DRICH1: variants seen among roughly 807,000 people sequenced by gnomAD.
DRICH1 encodes aspartate-rich protein 1.
DRICH1 carries 38 observed loss-of-function variants against 39.5 expected under a neutral mutation model. That is an observed-to-expected ratio of 0.96 (90% CI 0.74 to 1.26). DRICH1 has a LOEUF of 1.26. DRICH1 is among the 50% of genes most tolerant of loss of function. The pLI, the probability that DRICH1 is intolerant of heterozygous loss-of-function variation, is 0.00. For synonymous variants in DRICH1, 84 were observed against 99.5 expected, an observed-to-expected ratio of 0.84 and a Z score of 0.93; for missense variants, 279 against 270.4, an observed-to-expected ratio of 1.03 and a Z score of -0.22.
intron 5 of DRICH1, 94 bp from the exon 6 acceptor site, chr22:23,619,487 G>A (rs575423531): frequency 1.1e-5 from 8 of 746,626 alleles, no homozygotes; most frequent in South Asian, 8.5e-5. Flanking sequence ...AGTGTTGGAG[G>A]ATGCACATTC....
intron 9 of DRICH1, 81 bp from the exon 10 acceptor site, chr22:23,613,741 G>A (rs1927183547): frequency 1.1e-5 from 12 of 1,101,658 alleles, no homozygotes; most frequent in African/African-American, 6.3e-5. Context: ...TCTGGACAAC[G>A]ATAAAAAACC....
intron 4 of DRICH1, among the ~76,000 whole-genome samples, chr22:23,621,171 G>A (rs1427319369): frequency 2.0e-5 from 3 of 152,064 alleles, no homozygotes; most frequent in African/African-American, 7.2e-5. Flanking sequence ...AATAGGATAT[G>A]CTGGGCTCCT....
chr22:23,587,860 C>T, the DRICH1 span, among the ~76,000 whole-genome samples: 2 of 152,188 alleles, frequency 1.3e-5, no homozygotes, highest in East Asian at 1.9e-4. Flanking sequence ...ACCTTAATTG[C>T]GTCTGCACTG....
At chr22:23,590,278 A>ATTTTTT in the DRICH1 span, among the ~76,000 whole-genome samples, 6 of 137,528 alleles carry the variant, frequency 4.4e-5, no homozygotes, top group South Asian at 2.3e-4. Flanking sequence ...CAGCCCTTTG[A>ATTTTTT]TTTTTTTTTT....
chr22:23,596,942 T>C, the DRICH1 span, among the ~76,000 whole-genome samples: 1 of 151,484 alleles, frequency 6.6e-6, no homozygotes, highest in Admixed American at 6.6e-5. Context: ...ATTGACAGTA[T>C]AGTATTGCAA....
At chr22:23,626,933 AG>A (rs1224913816) in intron 1 of DRICH1, among the ~76,000 whole-genome samples, 1 of 152,188 alleles carries the variant, frequency 6.6e-6, no homozygotes, top group Non-Finnish European at 1.5e-5. Context: ...TTTGAGTTAC[AG>A]GAGTTCAACA....
rs745968240 is a variant in DRICH1, at chr22:23,608,756, G to A, written c.*8C>T. ...GGTCAGCACCCTGGTCAGCTCCACA[G>A]AAGGGCTTCACCCTGGATGAAGAGA... On this transcript the variant is annotated 3_prime_UTR_variant, in exon 12 of 12. Coordinates refer to ENST00000317749, the MANE Select transcript of DRICH1 (RefSeq NM_016449.4). The A allele has an allele frequency of 9.0e-5, 141 of 1,559,826 alleles. No individual in the cohort carries two copies. The highest frequency in any genetic ancestry group is 1.2e-4 in the Non-Finnish European group (137 of 1,150,594).
the DRICH1 span, among the ~76,000 whole-genome samples, chr22:23,584,453 C>T: frequency 6.6e-6 from 1 of 152,220 alleles, no homozygotes; most frequent in Non-Finnish European, 1.5e-5. Flanking sequence ...GGATCCCTCT[C>T]TCTCAGGCTG....
chr22:23,630,482 G>A (rs546657064), intron 1 of DRICH1: 153 of 152,212 alleles, frequency 1.0e-3, no homozygotes, highest in African/African-American at 3.5e-3. Flanking sequence ...TGAAAAAGAG[G>A]TCATTTATGT....
At chr22:23,598,820 T>A in the DRICH1 span, among the ~76,000 whole-genome samples, 1 of 152,086 alleles carries the variant, frequency 6.6e-6, no homozygotes, top group Non-Finnish European at 1.5e-5. Context: ...CATACAAGTG[T>A]GTTCCATACA....
the DRICH1 span, among the ~76,000 whole-genome samples, chr22:23,595,704 A>G: frequency 6.6e-6 from 1 of 152,202 alleles, no homozygotes; most frequent in Non-Finnish European, 1.5e-5. Flanking sequence ...CTGAGGAGAT[A>G]GGAAAGGTCC....
chr22:23,595,176 A>G, the DRICH1 span, among the ~76,000 whole-genome samples: 23,134 of 137,994 alleles, frequency 0.17, 1,696 homozygotes, highest in African/African-American at 0.27. Context: ...TCCTATGAGT[A>G]GATGAAATAG....
At chr22:23,602,008 G>A in the DRICH1 span, among the ~76,000 whole-genome samples, 7 of 83,508 alleles carry the variant, frequency 8.4e-5, no homozygotes, top group Non-Finnish European at 1.3e-4. Context: ...CACTGTGGGA[G>A]GCTGAGAGCA....
the DRICH1 span, among the ~76,000 whole-genome samples, chr22:23,591,942 A>AGCGG: frequency 1.3e-5 from 2 of 152,004 alleles, no homozygotes; most frequent in Non-Finnish European, 2.9e-5. Context: ...AGGGGTGTGG[A>AGCGG]GGGGGAGCAG....
At chr22:23,629,669 G>C in intron 1 of DRICH1, among the ~76,000 whole-genome samples, 1 of 151,964 alleles carries the variant, frequency 6.6e-6, no homozygotes, top group East Asian at 1.9e-4. Context: ...AGGCTGGAGG[G>C]GGCAGTGGCT....
At chr22:23,582,267 G>A in the DRICH1 span, among the ~76,000 whole-genome samples, 4 of 145,624 alleles carry the variant, frequency 2.7e-5, no homozygotes, top group Admixed American at 6.8e-5. Flanking sequence ...GTGAGCCACC[G>A]CAACTGGCTT....
chr22:23,585,863 G>A, the DRICH1 span, among the ~76,000 whole-genome samples: 1 of 152,138 alleles, frequency 6.6e-6, no homozygotes, highest in African/African-American at 2.4e-5. Context: ...TATGTATTTA[G>A]GGTGCATACT....
At chr22:23,588,009 C>T in the DRICH1 span, among the ~76,000 whole-genome samples, 1 of 152,316 alleles carries the variant, frequency 6.6e-6, no homozygotes, top group African/African-American at 2.4e-5. Flanking sequence ...CTGAGGAATC[C>T]CCACTTGCCC....
intron 5 of DRICH1, 64 bp from the exon 6 acceptor site, chr22:23,619,457 T>C (rs910820004): frequency 1.0e-5 from 8 of 770,194 alleles, no homozygotes; most frequent in East Asian, 7.5e-5. Flanking sequence ...CAAATAACCA[T>C]GGTAATGTTG....
Sources: allele counts gnomAD v4.1 joint callset (sites outside exome capture counted in the v4.1 genomes callset), GRCh38; gene constraint gnomAD v4.1.1; transcripts MANE v1.5; gene names NCBI Gene and HGNC (gene_info 2026-07-23, HGNC 2026-07-21).